The following TMLHE variants were observed in gnomAD, a reference collection of about 807,000 sequenced individuals.
TMLHE encodes the protein trimethyllysine hydroxylase, epsilon, also known as trimethyllysine dioxygenase, mitochondrial.
Under a neutral mutation model 25.7 loss-of-function variants are expected in TMLHE, and 18 were observed. The observed-to-expected ratio is 0.70, with a 90% CI of 0.48 to 1.04. The LOEUF (loss-of-function observed/expected upper bound fraction) is 1.04. Among genes scored for constraint, TMLHE ranks in the 50% least tolerant of loss-of-function variants. TMLHE has a pLI of 0.00. For missense variants in TMLHE, 236 were observed against 259.0 expected, an observed-to-expected ratio of 0.91 and a Z score of 0.61; for synonymous variants, 105 against 97.0, an observed-to-expected ratio of 1.08 and a Z score of -0.49.
intron 1 of TMLHE, among the ~76,000 whole-genome samples, chrX:155,548,724 G>C (rs902222143): frequency 5.8e-5 from 6 of 102,787 alleles, no homozygotes; most frequent in East Asian, 2.9e-4. Flanking sequence ...GACAGAGTGA[G>C]ACTCTGTCTC....
At chrX:155,572,467 T>C (rs1412804776) in intron 1 of TMLHE, among the ~76,000 whole-genome samples, 1 of 56,019 alleles carries the variant, frequency 1.8e-5, no homozygotes, top group Non-Finnish European at 4.6e-5. Flanking sequence ...ACTTTCTTCA[T>C]AGAATTAGAA....
chrX:155,564,397 G>T (rs2067506095), intron 1 of TMLHE, among the ~76,000 whole-genome samples: 2 of 61,957 alleles, frequency 3.2e-5, no homozygotes, highest in South Asian at 1.9e-3. Context: ...CATGGTACAG[G>T]TCCTATCCCT....
chrX:155,577,085 G>C (rs1329556720), intron 1 of TMLHE, among the ~76,000 whole-genome samples: 1 of 111,471 alleles, frequency 9.0e-6, no homozygotes, highest in African/African-American at 3.3e-5. Flanking sequence ...ACACAGAATG[G>C]GGCAAATATT....
rs1162795814 is a variant in TMLHE at position 155,568,574 on chromosome X, G to C, written c.-1-23297C>G. Among the ~76,000 whole-genome samples the C allele has an allele frequency of 9.6e-5, 6 of 62,449 alleles. 2 individuals are homozygous for C. Among genetic ancestry groups the C allele is most frequent in the Non-Finnish European group, 2.7e-4 (6 of 22,334 alleles). 54.2% of individuals were successfully genotyped at this position (62,449 alleles called of 115,157 possible). On this transcript the variant is annotated intron_variant, in intron 1 of 7. Transcript: ENST00000334398. Reference sequence around the variant, plus strand: ...CCTGACCCCCGAGCAGCCTAACTGGGAGGCACCCCCCAGTAGGGGCAGACT... The same window carrying C: ...CCTGACCCCCGAGCAGCCTAACTGGCAGGCACCCCCCAGTAGGGGCAGACT...
intron 1 of TMLHE, among the ~76,000 whole-genome samples, chrX:155,598,545 T>A (rs1224019757): frequency 1.1e-4 from 7 of 63,119 alleles, no homozygotes; most frequent in Non-Finnish European, 1.6e-4. Flanking sequence ...CACACCGGGG[T>A]CTGTTGTGGG....
chrX:155,510,349 C>T (rs1413839073), intron 5 of TMLHE, among the ~76,000 whole-genome samples: 8 of 104,249 alleles, frequency 7.7e-5, no homozygotes, highest in African/African-American at 1.0e-4. Context: ...GCTGCACCCA[C>T]TAACTCATCA....
At chrX:155,604,692 C>T (rs1013285954) in intron 1 of TMLHE, among the ~76,000 whole-genome samples, 11 of 111,165 alleles carry the variant, frequency 9.9e-5, no homozygotes, top group African/African-American at 2.9e-4. Context: ...GGAGCATGGC[C>T]GCAAACACAA....
chrX:155,545,767 A>G (rs2067340789), intron 1 of TMLHE, among the ~76,000 whole-genome samples: 2 of 111,442 alleles, frequency 1.8e-5, no homozygotes, highest in South Asian at 7.5e-4. Context: ...TATTCAGTAC[A>G]GTCACATGCT....
At chrX:155,548,688 T>A (rs918203838) in intron 1 of TMLHE, among the ~76,000 whole-genome samples, 1 of 108,248 alleles carries the variant, frequency 9.2e-6, no homozygotes, top group African/African-American at 3.4e-5. Flanking sequence ...TGAGCTGAGA[T>A]TGTGCCACTG....
At chrX:155,552,885 T>C (rs1307700861) in intron 1 of TMLHE, among the ~76,000 whole-genome samples, 1 of 110,710 alleles carries the variant, frequency 9.0e-6, no homozygotes, top group Non-Finnish European at 1.9e-5. Flanking sequence ...GGTTAAACAG[T>C]ATCCCTTTAA....
intron 1 of TMLHE, among the ~76,000 whole-genome samples, chrX:155,588,453 A>G (rs1387908264): frequency 1.8e-5 from 2 of 112,051 alleles, no homozygotes; most frequent in African/African-American, 6.5e-5. Context: ...CTAAGACATC[A>G]AAGGCACAAT....
intron 4 of TMLHE, among the ~76,000 whole-genome samples, chrX:155,513,693 C>T (rs1269646277): frequency 9.1e-6 from 1 of 109,837 alleles, no homozygotes; most frequent in Non-Finnish European, 1.9e-5. Context: ...TCCAGTTCTC[C>T]TTACAGTCAG....
At chrX:155,548,690 G>GCGCCAGC (rs2067385733) in intron 1 of TMLHE, among the ~76,000 whole-genome samples, 1 of 107,854 alleles carries the variant, frequency 9.3e-6, no homozygotes, top group Non-Finnish European at 1.9e-5. Flanking sequence ...AGCTGAGATT[G>GCGCCAGC]TGCCACTGCA....
intron 1 of TMLHE, among the ~76,000 whole-genome samples, chrX:155,555,649 T>C (rs2067447609): frequency 1.8e-5 from 2 of 111,423 alleles, no homozygotes; most frequent in African/African-American, 6.6e-5. Flanking sequence ...CATTTTTTCA[T>C]GTGTCTGTTG....
intron 1 of TMLHE, among the ~76,000 whole-genome samples, chrX:155,583,982 A>G: frequency 9.0e-6 from 1 of 111,677 alleles, no homozygotes; most frequent in Non-Finnish European, 1.9e-5. Flanking sequence ...AAAAAAATTC[A>G]CAATGACTTT....
At chrX:155,545,695 T>C (rs2067340223) in intron 1 of TMLHE, among the ~76,000 whole-genome samples, 1 of 112,058 alleles carries the variant, frequency 8.9e-6, no homozygotes, top group South Asian at 3.7e-4. Context: ...TGCATTACCT[T>C]TTCTATGTTT....
At chrX:155,612,533 A>G (rs1557348453) in intron 1 of TMLHE, 1 of 112,780 alleles carries the variant, frequency 8.9e-6, no homozygotes, top group East Asian at 2.8e-4. Context: ...CCTGAGCGCT[A>G]GGCCCATCCG....
chrX:155,569,268 G>A (rs1315096900), intron 1 of TMLHE, among the ~76,000 whole-genome samples: 2 of 56,947 alleles, frequency 3.5e-5, no homozygotes, highest in Non-Finnish European at 4.6e-5. Flanking sequence ...AATGAAGCGA[G>A]AAGGGAAGTT....
chrX:155,557,712 C>G (rs1471334622), intron 1 of TMLHE, among the ~76,000 whole-genome samples: 1 of 111,343 alleles, frequency 9.0e-6, no homozygotes, highest in East Asian at 2.8e-4. Context: ...CCCCCTACAC[C>G]TAAACTGTTT....
Sources: gnomAD v4.1 joint callset for allele counts (sites outside exome capture counted in the v4.1 genomes callset) on GRCh38, gnomAD v4.1.1 for gene constraint, MANE v1.5 for transcripts, NCBI Gene and HGNC (gene_info 2026-07-23, HGNC 2026-07-21) for gene names.